Variants in TMEM255B observed in about 807,000 individuals in gnomAD.
TMEM255B encodes family with sequence similarity 70, member B.
Under a neutral mutation model 34.5 loss-of-function variants are expected in TMEM255B, and 35 were observed. The ratio of observed to expected loss-of-function variants is 1.01; its 90% CI spans 0.77 to 1.34. The LOEUF (loss-of-function observed/expected upper bound fraction) is 1.34, where lower values mean the gene tolerates loss of function less well. Among genes scored for constraint, TMEM255B ranks in the 40% most tolerant of loss-of-function variants. The probability of loss-of-function intolerance (pLI) is 0.00; values close to 1 mark genes in which losing one functional copy is unlikely to be tolerated. For synonymous variants in TMEM255B, 206 were observed against 201.2 expected (o/e 1.02, Z -0.20); for missense variants, 432 against 433.2 (o/e 1.00, Z 0.02).
chr13:113,785,677 G>A (rs1008892670), intron 3 of TMEM255B, among the ~76,000 whole-genome samples: 1 of 152,204 alleles, frequency 6.6e-6, no homozygotes, highest in African/African-American at 2.4e-5. Flanking sequence ...ATTGGTCAGG[G>A]TCAGAAGTAG....
intron 4 of TMEM255B, 123 bp from the exon 5 acceptor site, chr13:113,799,216 A>C: frequency 3.7e-6 from 3 of 811,158 alleles, no homozygotes; most frequent in Non-Finnish European, 6.1e-6. Context: ...TGGGAGGCTC[A>C]AGTTGGTGTT....
chr13:113,810,231 G>A (rs2051273332), intron 8 of TMEM255B, among the ~76,000 whole-genome samples: 1 of 152,170 alleles, frequency 6.6e-6, no homozygotes, highest in Non-Finnish European at 1.5e-5. Context: ...GAGGAGCACA[G>A]AGCACATCTG....
intron 3 of TMEM255B, among the ~76,000 whole-genome samples, chr13:113,791,435 G>A (rs1043812099): frequency 2.6e-5 from 4 of 152,214 alleles, no homozygotes; most frequent in African/African-American, 7.2e-5. Context: ...GCTTCCTAAC[G>A]TTGGGCAGCC....
At position 113,780,406 on chromosome 13, in the gene TMEM255B, A is replaced by C. The variant is rs1594132558; in HGVS notation, c.252+11246A>C. 2.0e-5 allele frequency among the ~76,000 whole-genome samples: 3 copies of C among 152,262 alleles called. No homozygotes were observed. The East Asian group carries it at 5.8e-4, about 29-fold the overall frequency. On this transcript the variant is annotated intron_variant, in intron 3 of 8. Coordinates refer to ENST00000375353, the MANE Select transcript of TMEM255B (RefSeq NM_182614.4). ...TTAAGAATAGTCACAAATACTTTCC[A>C]AATTCTGGAGAAAATCAGGTAGAGA...
intron 3 of TMEM255B, among the ~76,000 whole-genome samples, chr13:113,789,425 C>T (rs1183654255): frequency 6.6e-6 from 1 of 152,168 alleles, no homozygotes; most frequent in Non-Finnish European, 1.5e-5. Flanking sequence ...CTGCTATGCA[C>T]GTTCTAGGTC....
At position 113,815,764 on chromosome 13, in the gene TMEM255B, A is replaced by G. The variant is rs535443160; in HGVS notation, c.*3861A>G. ...ATTAGCAGTGTGAAAACAGAATACT[A>G]CAGTGGTCCATCCACACGCGGGTCT... On this transcript the variant is annotated 3_prime_UTR_variant, in exon 9 of 9. Transcript: ENST00000375353. The G allele has an allele frequency of 2.6e-4, 39 of 152,486 alleles. No individual in the cohort carries two copies. The highest frequency in any genetic ancestry group is 5.4e-4 in the Non-Finnish European group (37 of 68,324). 9.4% of individuals were successfully genotyped at this position (152,486 alleles called of 1,614,324 possible).
In TMEM255B at chr13:113,806,187, G is replaced by A. The variant is rs993919393; in HGVS notation, c.813+1159G>A. 4.6e-5 allele frequency among the ~76,000 whole-genome samples: 7 copies of A among 152,168 alleles called. No homozygotes were observed. The highest frequency in any genetic ancestry group is 1.4e-4 in the African/African-American group (6 of 41,444). ...GACAGAGAGGGCTCAGGTTTGAGCGGGGCCCGAGAGCCACGACCTTCTCAG... is the reference window on the plus strand; with the variant it reads ...GACAGAGAGGGCTCAGGTTTGAGCGAGGCCCGAGAGCCACGACCTTCTCAG... On this transcript the variant is annotated intron_variant, in intron 8 of 8. Transcript: ENST00000375353. The surrounding 1 kb of genome is among the most constrained non-coding windows in gnomAD (Gnocchi z 4.2).
rs1248871190 is a variant in TMEM255B, at chr13:113,770,981, C to A, written c.252+1821C>A. Reference sequence around the variant, plus strand: ...GGACAGTGTGGGTCTGTTTTTCTTTCCTTTTAAAAAAATGGCTTTAATGAG... The same window carrying A: ...GGACAGTGTGGGTCTGTTTTTCTTTACTTTTAAAAAAATGGCTTTAATGAG... On this transcript the variant is annotated intron_variant, in intron 3 of 8. Coordinates refer to ENST00000375353, the MANE Select transcript of TMEM255B (RefSeq NM_182614.4). The surrounding 1 kb of genome is among the most constrained non-coding windows in gnomAD (Gnocchi z 4.6). Among the ~76,000 whole-genome samples the A allele has an allele frequency of 1.3e-5, 2 of 152,108 alleles. No individual in the cohort carries two copies. Among genetic ancestry groups the A allele is most frequent in the Admixed American group, 1.3e-4 (2 of 15,270 alleles).
intron 1 of TMEM255B, among the ~76,000 whole-genome samples, chr13:113,762,784 G>A (rs2050329516): frequency 6.6e-6 from 1 of 152,180 alleles, no homozygotes; most frequent in African/African-American, 2.4e-5. Context: ...ACAGGAGGCT[G>A]GGACAGGAGC....
chr13:113,770,229 GA>G lies in TMEM255B; in HGVS notation c.252+1070del, dbSNP rs1382018669. Among the ~76,000 whole-genome samples, 1 of 152,182 alleles carries G rather than the reference GA, an allele frequency of 6.6e-6. No individual in the cohort carries two copies. The highest frequency in any genetic ancestry group is 1.5e-5 in the Non-Finnish European group (1 of 68,028). On this transcript the variant is annotated intron_variant, in intron 3 of 8. Coordinates refer to ENST00000375353, the MANE Select transcript of TMEM255B (RefSeq NM_182614.4). This position sits in a 1 kb window ranked among gnomAD's most constrained non-coding sequence, Gnocchi z 4.6. Reference sequence around the variant, plus strand: ...TCTTACGTGGATGGCAGCAGGCAAAGACAGAGCCTGTGCAGGGAAACTCCCC... The same window carrying G: ...TCTTACGTGGATGGCAGCAGGCAAAGCAGAGCCTGTGCAGGGAAACTCCCC...
intron 8 of TMEM255B, among the ~76,000 whole-genome samples, chr13:113,805,760 C>T (rs2051159706): frequency 6.6e-6 from 1 of 152,206 alleles, no homozygotes; most frequent in Non-Finnish European, 1.5e-5. Flanking sequence ...ACTCTCCGGA[C>T]GTGTCCCGTG....
At chr13:113,778,682 C>T (rs572448798) in intron 3 of TMEM255B, among the ~76,000 whole-genome samples, 6 of 151,542 alleles carry the variant, frequency 4.0e-5, no homozygotes, top group East Asian at 3.9e-4. Context: ...GGGTGAGTCT[C>T]GATTTCACCT....
At chr13:113,767,440 G>C (rs981304704) in intron 2 of TMEM255B, among the ~76,000 whole-genome samples, 2 of 152,262 alleles carry the variant, frequency 1.3e-5, no homozygotes, top group Non-Finnish European at 2.9e-5. Flanking sequence ...GTGGCTGTGA[G>C]GAGGGACCTC....
chr13:113,776,686 G>A (rs1426873309), intron 3 of TMEM255B, among the ~76,000 whole-genome samples: 1 of 152,204 alleles, frequency 6.6e-6, no homozygotes, highest in Non-Finnish European at 1.5e-5. Flanking sequence ...TCCCGGACAC[G>A]TGGGGCCGAG....
Position 113,776,751 on chromosome 13 carries a change from C to T in TMEM255B, c.252+7591C>T, listed in dbSNP as rs190788024. 1.2e-4 allele frequency among the ~76,000 whole-genome samples: 18 copies of T among 152,280 alleles called. No individual in the cohort carries two copies. The East Asian group carries it at 2.3e-3, about 20-fold the overall frequency. ...AGCTTCCCGACACAGTGGGCGCAGG[C>T]GACCTGTTCCTACCTTGGTTTTCCC... On this transcript the variant is annotated intron_variant, in intron 3 of 8. Coordinates refer to ENST00000375353, the MANE Select transcript of TMEM255B (RefSeq NM_182614.4).
At chr13:113,766,004 G>A (rs1463666039) in intron 1 of TMEM255B, 111 bp from the exon 2 acceptor site, 5 of 1,438,450 alleles carry the variant, frequency 3.5e-6, no homozygotes, top group Admixed American at 1.9e-5. Flanking sequence ...GGCAGGCGGG[G>A]ATAGTGCATC....
chr13:113,792,533 T>C (rs1355856029), intron 3 of TMEM255B, among the ~76,000 whole-genome samples: 1 of 152,188 alleles, frequency 6.6e-6, no homozygotes, highest in Non-Finnish European at 1.5e-5. Context: ...TTTCTCAGGG[T>C]GCAATGAGGC....
At chr13:113,797,026 C>T (rs2050954686) in intron 4 of TMEM255B, among the ~76,000 whole-genome samples, 1 of 152,260 alleles carries the variant, frequency 6.6e-6, no homozygotes. Flanking sequence ...ACTTGCTATT[C>T]TATGGCTTCC....
intron 2 of TMEM255B, chr13:113,768,258 G>T (rs952289016): frequency 6.4e-6 from 3 of 468,744 alleles, no homozygotes; most frequent in Non-Finnish European, 1.3e-5. Flanking sequence ...CTCTGAGCCA[G>T]ATTTTCGGTG....
Sources: gnomAD v4.1 joint callset for allele counts (sites outside exome capture counted in the v4.1 genomes callset) on GRCh38, gnomAD v4.1.1 for gene constraint, Gnocchi (gnomAD v3.1) non-coding constraint, MANE v1.5 for transcripts, NCBI Gene and HGNC (gene_info 2026-07-23, HGNC 2026-07-21) for gene names.